SMYD3: variants seen among roughly 807,000 people sequenced by gnomAD.
The protein encoded by SMYD3 is histone-lysine N-methyltransferase SMYD3.
SMYD3 carries 36 observed loss-of-function variants against 57.7 expected under a neutral mutation model. That is an observed-to-expected ratio of 0.62 (90% CI 0.48 to 0.82). SMYD3 has a LOEUF of 0.82. SMYD3 is among the 40% of genes least tolerant of loss of function. SMYD3 has a pLI of 0.00. For synonymous variants in SMYD3, 211 were observed against 195.0 expected, an observed-to-expected ratio of 1.08 and a Z score of -0.68; for missense variants, 515 against 538.8, an observed-to-expected ratio of 0.96 and a Z score of 0.44.
intron 5 of SMYD3, among the ~76,000 whole-genome samples, chr1:245,970,707 C>T (rs930762536): frequency 2.0e-5 from 3 of 152,174 alleles, no homozygotes; most frequent in Admixed American, 6.5e-5. Flanking sequence ...AAAAGCTCAT[C>T]ATCACTGGTC....
chr1:246,208,240 A>T (rs745590712), intron 5 of SMYD3, among the ~76,000 whole-genome samples: 4 of 152,138 alleles, frequency 2.6e-5, no homozygotes, highest in Non-Finnish European at 4.4e-5. Flanking sequence ...AAATTAAATA[A>T]GGAGAGTTTG....
At chr1:246,473,981 A>G (rs1472809117) in intron 1 of SMYD3, among the ~76,000 whole-genome samples, 4 of 152,188 alleles carry the variant, frequency 2.6e-5, no homozygotes, top group Non-Finnish European at 5.9e-5. Flanking sequence ...AGATAACAAA[A>G]AAATCTGCTA....
At position 246,140,131 on chromosome 1, in the gene SMYD3, T is replaced by C. The variant is rs111279613; in HGVS notation, c.531+187070A>G. 3.3e-4 allele frequency among the ~76,000 whole-genome samples: 51 copies of C among 152,300 alleles called. 1 individual carries two copies. The highest frequency in any genetic ancestry group is 1.2e-3 in the African/African-American group (49 of 41,580). On this transcript the variant is annotated intron_variant, in intron 5 of 11. Coordinates refer to ENST00000490107, the MANE Select transcript of SMYD3 (RefSeq NM_001167740.2). ...CATGAAGAATGCACATATATACAAA[T>C]GAGAAGACTTGCCAGTAATGGTCAA...
chr1:246,142,350 A>AT lies in SMYD3; in HGVS notation c.531+184850dup, dbSNP rs558352997. Among the ~76,000 whole-genome samples, 738 of 150,012 alleles carry AT rather than the reference A, an allele frequency of 4.9e-3. 4 individuals are homozygous for AT. The highest frequency in any genetic ancestry group is 7.9e-3 in the Non-Finnish European group (531 of 67,328). ...CTGTAGATCTTAGCAACCTCAGCGT[A>AT]TTTTTTTTTTCTTTCCTTATTAAGT... On this transcript the variant is annotated intron_variant, in intron 5 of 11. Transcript: ENST00000490107.
At chr1:246,214,983 G>A (rs10802350) in intron 5 of SMYD3, among the ~76,000 whole-genome samples, 40,298 of 151,814 alleles carry the variant, frequency 0.27, 6,055 homozygotes, top group East Asian at 0.58. Context: ...CTTTATTTAT[G>A]CAGATTTTTA....
chr1:246,067,865 T>C (rs1218612597), intron 5 of SMYD3, among the ~76,000 whole-genome samples: 1 of 152,080 alleles, frequency 6.6e-6, no homozygotes, highest in African/African-American at 2.4e-5. Context: ...TCCGTCAGCA[T>C]CATGTGGCAG....
At chr1:246,358,253 A>C (rs1055922833) in intron 1 of SMYD3, among the ~76,000 whole-genome samples, 1 of 152,248 alleles carries the variant, frequency 6.6e-6, no homozygotes. Context: ...CTAGTCCAAC[A>C]GTAAAATATC....
chr1:246,141,145 CA>C (rs1572096477), intron 5 of SMYD3, among the ~76,000 whole-genome samples: 1 of 152,282 alleles, frequency 6.6e-6, no homozygotes, highest in East Asian at 1.9e-4. Flanking sequence ...CAGAAAGGTT[CA>C]TAGGACACTA....
At chr1:245,904,349 G>A (rs1354744107) in intron 8 of SMYD3, among the ~76,000 whole-genome samples, 1 of 152,140 alleles carries the variant, frequency 6.6e-6, no homozygotes. Flanking sequence ...TAACCATGTG[G>A]AACTGTGAGA....
chr1:246,120,061 A>T (rs1019313982), intron 5 of SMYD3, among the ~76,000 whole-genome samples: 1 of 152,188 alleles, frequency 6.6e-6, no homozygotes, highest in African/African-American at 2.4e-5. Flanking sequence ...GGGAAGTGTG[A>T]TTGGACAATG....
intron 10 of SMYD3, among the ~76,000 whole-genome samples, chr1:245,804,323 C>T (rs969094760): frequency 6.6e-6 from 1 of 152,158 alleles, no homozygotes. Context: ...AATTCCCGGC[C>T]GGGCGCAGTG....
intron 1 of SMYD3, among the ~76,000 whole-genome samples, chr1:246,442,417 C>T (rs997235333): frequency 2.7e-4 from 41 of 151,984 alleles, no homozygotes; most frequent in Admixed American, 1.6e-3. Flanking sequence ...GGCGTGGTGA[C>T]GCACACCTGT....
chr1:246,312,708 A>T (rs1344808699), intron 5 of SMYD3, among the ~76,000 whole-genome samples: 2 of 152,208 alleles, frequency 1.3e-5, no homozygotes, highest in Non-Finnish European at 2.9e-5. Flanking sequence ...GCTCAGAAAC[A>T]CAGGCAGGCA....
At chr1:245,752,032 C>T (rs751238232) in intron 11 of SMYD3, among the ~76,000 whole-genome samples, 1 of 152,224 alleles carries the variant, frequency 6.6e-6, no homozygotes, top group Non-Finnish European at 1.5e-5. Context: ...CTGGATCCTC[C>T]GCTGCTCTGG....
chr1:246,440,574 ACT>A (rs1314128387), intron 1 of SMYD3, among the ~76,000 whole-genome samples: 1 of 152,108 alleles, frequency 6.6e-6, no homozygotes, highest in African/African-American at 2.4e-5. Context: ...TGATGTAGGA[ACT>A]CTCTCTCCAA....
intron 5 of SMYD3, among the ~76,000 whole-genome samples, chr1:246,200,602 G>GC (rs2062906263): frequency 8.3e-6 from 1 of 120,772 alleles, no homozygotes; most frequent in Non-Finnish European, 1.5e-5. Context: ...GTACACAGAC[G>GC]TCACTATAAT....
chr1:246,369,304 C>G (rs2066155932), intron 1 of SMYD3, among the ~76,000 whole-genome samples: 1 of 152,114 alleles, frequency 6.6e-6, no homozygotes. Context: ...AATATATTAA[C>G]TAGTTTAGCC....
intron 5 of SMYD3, among the ~76,000 whole-genome samples, chr1:246,280,556 G>A (rs927910133): frequency 2.0e-5 from 3 of 152,134 alleles, no homozygotes; most frequent in Non-Finnish European, 4.4e-5. Flanking sequence ...CCAGGCGTTC[G>A]AGTCCAGCCA....
chr1:245,936,421 T>A (rs943386458), intron 5 of SMYD3, among the ~76,000 whole-genome samples: 1 of 152,036 alleles, frequency 6.6e-6, no homozygotes, highest in Non-Finnish European at 1.5e-5. Flanking sequence ...TGATTTGGAA[T>A]GTGCTTGCAC....
Sources: gnomAD v4.1 joint callset for allele counts (sites outside exome capture counted in the v4.1 genomes callset) on GRCh38, gnomAD v4.1.1 for gene constraint, MANE v1.5 for transcripts, NCBI Gene and HGNC (gene_info 2026-07-23, HGNC 2026-07-21) for gene names.